The following SH3RF1 variants were observed in gnomAD, a reference collection of about 807,000 sequenced individuals.
The protein encoded by SH3RF1 is SH3 domain containing ring finger 1.
Under a neutral mutation model 74.0 loss-of-function variants are expected in SH3RF1, and 32 were observed. The observed-to-expected ratio is 0.43, with a 90% CI of 0.33 to 0.58. SH3RF1 has a LOEUF of 0.58. Ranked by LOEUF, SH3RF1 falls within the 20% of genes least tolerant of loss-of-function variation. The pLI is 0.05. For synonymous variants in SH3RF1, 396 were observed against 439.6 expected (o/e 0.90, Z 1.24); for missense variants, 954 against 1,130.9 (o/e 0.84, Z 2.24).
At chr4:169,170,746 T>C (rs1006021895) in intron 2 of SH3RF1, among the ~76,000 whole-genome samples, 1 of 152,194 alleles carries the variant, frequency 6.6e-6, no homozygotes, top group Non-Finnish European at 1.5e-5. Flanking sequence ...ACAACTTTTA[T>C]CATCAGATCA....
At chr4:169,134,757 CCT>C (rs1297420400) in intron 5 of SH3RF1, among the ~76,000 whole-genome samples, 1 of 152,132 alleles carries the variant, frequency 6.6e-6, no homozygotes, top group Non-Finnish European at 1.5e-5. Flanking sequence ...ACATGGTTCC[CCT>C]CTCTACCCAT....
At chr4:169,134,651 T>G (rs1250498568) in intron 5 of SH3RF1, among the ~76,000 whole-genome samples, 1 of 152,238 alleles carries the variant, frequency 6.6e-6, no homozygotes, top group Non-Finnish European at 1.5e-5. Flanking sequence ...TCTTTAGTTC[T>G]GAACCTTTCT....
chr4:169,190,645 AAAG>A (rs1734687010), intron 2 of SH3RF1, among the ~76,000 whole-genome samples: 1 of 152,270 alleles, frequency 6.6e-6, no homozygotes, highest in South Asian at 2.1e-4. Flanking sequence ...CCAGACATTC[AAAG>A]AAGAATTGAT....
intron 2 of SH3RF1, among the ~76,000 whole-genome samples, chr4:169,260,393 T>C (rs946234265): frequency 2.0e-5 from 3 of 152,184 alleles, no homozygotes; most frequent in Admixed American, 6.5e-5. Flanking sequence ...GCGCCTCTTT[T>C]AGCCACTTGG....
chr4:169,233,248 C>CAA (rs372381759), intron 2 of SH3RF1, among the ~76,000 whole-genome samples: 171 of 65,502 alleles, frequency 2.6e-3, no homozygotes, highest in East Asian at 3.0e-3. Flanking sequence ...GACTCCATCT[C>CAA]AAAAAAAAAA....
intron 2 of SH3RF1, among the ~76,000 whole-genome samples, chr4:169,172,374 C>G (rs1438703052): frequency 6.6e-6 from 1 of 152,200 alleles, no homozygotes; most frequent in Non-Finnish European, 1.5e-5. Context: ...TATACCTGTA[C>G]TCAGAAAATA....
intron 3 of SH3RF1, 43 bp downstream of exon 3, chr4:169,156,361 A>C (rs1270601267): frequency 6.6e-7 from 1 of 1,518,108 alleles, no homozygotes. Flanking sequence ...CTGGGTACAG[A>C]GGTAGAGCTG....
At chr4:169,154,065 G>A (rs929953825) in intron 4 of SH3RF1, among the ~76,000 whole-genome samples, 4 of 152,124 alleles carry the variant, frequency 2.6e-5, no homozygotes, top group African/African-American at 9.7e-5. Context: ...TACTAATCCT[G>A]TGCTTACCCA....
At chr4:169,157,594 C>T (rs60940569) in intron 2 of SH3RF1, among the ~76,000 whole-genome samples, 3 of 152,048 alleles carry the variant, frequency 2.0e-5, no homozygotes, top group East Asian at 1.9e-4. Flanking sequence ...CCTCTCTGAG[C>T]GCTGTTGCAT....
At chr4:169,121,999 C>T (rs1733443221) in intron 7 of SH3RF1, 101 bp downstream of exon 7, 10 of 1,471,964 alleles carry the variant, frequency 6.8e-6, no homozygotes, top group Middle Eastern at 2.5e-4. Context: ...TGAGCCATAA[C>T]GCTGTCATCA....
intron 2 of SH3RF1, among the ~76,000 whole-genome samples, chr4:169,161,496 C>T (rs1734147767): frequency 6.6e-6 from 1 of 152,198 alleles, no homozygotes. Context: ...CAAAATGCTA[C>T]TTGATGAACT....
At chr4:169,182,036 A>T (rs1734520595) in intron 2 of SH3RF1, among the ~76,000 whole-genome samples, 1 of 152,216 alleles carries the variant, frequency 6.6e-6, no homozygotes, top group Non-Finnish European at 1.5e-5. Context: ...AGCTATGCCC[A>T]GCACATAGTA....
chr4:169,234,173 C>T (rs1052734691), intron 2 of SH3RF1, among the ~76,000 whole-genome samples: 2 of 152,054 alleles, frequency 1.3e-5, no homozygotes, highest in Non-Finnish European at 2.9e-5. Context: ...CTGCCAGGAA[C>T]GTGTGACAAT....
chr4:169,269,606 A>G, intron 1 of SH3RF1: 1 of 162,676 alleles, frequency 6.1e-6, no homozygotes, highest in Admixed American at 6.0e-5. Flanking sequence ...TAAGGAACAT[A>G]ATTTCTTAAG....
At chr4:169,161,295 T>A (rs1317008074) in intron 2 of SH3RF1, among the ~76,000 whole-genome samples, 1 of 152,242 alleles carries the variant, frequency 6.6e-6, no homozygotes, top group Non-Finnish European at 1.5e-5. Flanking sequence ...ACATCTACTA[T>A]ATTGTTCATT....
At chr4:169,120,236 T>G (rs1733415706) in intron 8 of SH3RF1, among the ~76,000 whole-genome samples, 1 of 152,222 alleles carries the variant, frequency 6.6e-6, no homozygotes, top group African/African-American at 2.4e-5. Context: ...CTTAAAATTT[T>G]TATTTCTGAC....
At chr4:169,126,728 C>T (rs1416887559) in intron 6 of SH3RF1, among the ~76,000 whole-genome samples, 1 of 152,046 alleles carries the variant, frequency 6.6e-6, no homozygotes, top group Non-Finnish European at 1.5e-5. Flanking sequence ...GGACTACAGG[C>T]ATGCACCACC....
In SH3RF1 at chr4:169,122,092, T is replaced by A. The variant is rs1358377134; in HGVS notation, c.1346+8A>T. 2 of 1,610,572 alleles carry A rather than the reference T, an allele frequency of 1.2e-6. No homozygotes were observed. The highest frequency in any genetic ancestry group is 1.7e-6 in the Non-Finnish European group (2 of 1,178,612). On this transcript the variant is annotated splice_region_variant and intron_variant, in intron 7 of 11. Coordinates refer to ENST00000284637, the MANE Select transcript of SH3RF1 (RefSeq NM_020870.4). Reference sequence around the variant, plus strand: ...ACATAAGCAGTAACAGACGACACGCTCACTTACACACTGGGGCGAGTCTGC... The same window carrying A: ...ACATAAGCAGTAACAGACGACACGCACACTTACACACTGGGGCGAGTCTGC...
intron 2 of SH3RF1, among the ~76,000 whole-genome samples, chr4:169,232,441 G>T (rs767331349): frequency 1.3e-5 from 2 of 152,118 alleles, no homozygotes; most frequent in Non-Finnish European, 2.9e-5. Context: ...GATATGAAAC[G>T]GAACTTCAAA....
Sources: allele counts gnomAD v4.1 joint callset (sites outside exome capture counted in the v4.1 genomes callset), GRCh38; gene constraint gnomAD v4.1.1; transcripts MANE v1.5; gene names NCBI Gene and HGNC (gene_info 2026-07-23, HGNC 2026-07-21).